The following PHIP variants were observed in gnomAD, a reference collection of about 807,000 sequenced individuals.
The protein encoded by PHIP is PHIP subunit of CUL4-Ring ligase complex.
PHIP carries 54 observed loss-of-function variants against 236.8 expected under a neutral mutation model. That is an observed-to-expected ratio of 0.23 (90% CI 0.18 to 0.29). The LOEUF (loss-of-function observed/expected upper bound fraction) is 0.29, where lower values mean the gene tolerates loss of function less well. Ranked by LOEUF, PHIP falls within the 10% of genes least tolerant of loss-of-function variation. The probability of loss-of-function intolerance (pLI) is 1.00; values close to 1 mark genes in which losing one functional copy is unlikely to be tolerated. For missense variants in PHIP, 1,370 were observed against 2,190.8 expected (o/e 0.63, Z 7.48); for synonymous variants, 756 against 718.9 (o/e 1.05, Z -0.83).
intron 7 of PHIP, among the ~76,000 whole-genome samples, chr6:79,035,504 A>G (rs147291686): frequency 0.012 from 1,812 of 152,322 alleles, 40 homozygotes; most frequent in African/African-American, 0.042. Context: ...CTACTTTGAC[A>G]TGAAAATAAA....
rs1338187903 is a variant in PHIP at position 78,941,324 on chromosome 6, C to A, written c.4835G>T (p.Cys1612Phe). The A allele has an allele frequency of 1.2e-6, 2 of 1,612,050 alleles. No individual in the cohort carries two copies. The change falls in exon 40 of 40, where the codon TGT becomes TTT. Residue 1612 changes from cysteine (C) to phenylalanine (F), a missense_variant. Cys to Phe is a radical substitution (Grantham distance 205). Transcript: ENST00000275034. Reference sequence around the variant, plus strand: ...TCCTGGTACAAGAGCGTTGTTCTTACAATCTCCTAAAAGGGAACAACAGTA... The same window carrying A: ...TCCTGGTACAAGAGCGTTGTTCTTAAAATCTCCTAAAAGGGAACAACAGTA... ...KSSAVIEQGDCKNNALVPGTI... is the reference protein window; with the variant it reads ...KSSAVIEQGDFKNNALVPGTI...
chr6:78,954,903 T>C lies in PHIP; in HGVS notation c.3964A>G (p.Lys1322Glu), dbSNP rs772748885. The C allele has an allele frequency of 6.3e-7, 1 of 1,588,820 alleles. No homozygotes were observed. The highest frequency in any genetic ancestry group is 8.6e-7 in the Non-Finnish European group (1 of 1,169,072). Residue 1322 changes from lysine to glutamate, a missense_variant, in exon 35 of 40, where the codon AAG (lysine) becomes GAG (glutamate). Transcript: ENST00000275034. Reference protein sequence around the residue: ...RAQSYDIQAWKKQCEELLNLI... With the variant: ...RAQSYDIQAWEKQCEELLNLI... ...TTTAACAATTCTTCACACTGTTTCT[T>C]CCATGCTTGAATATCGTAAGACTGG...
chr6:79,004,410 A>T, intron 15 of PHIP: 2 of 985,174 alleles, frequency 2.0e-6, no homozygotes, highest in Non-Finnish European at 2.4e-6. Context: ...CCATTAATCC[A>T]GAACGAATGG....
At position 78,998,826 on chromosome 6, in the gene PHIP, C is replaced by T. The variant is rs192089235; in HGVS notation, c.1880-435G>A. ...TTTTCTTAAAAAAAATGTTTACTGCCTCATTTATTCAATACATTATTGACT... is the reference window on the plus strand; with the variant it reads ...TTTTCTTAAAAAAAATGTTTACTGCTTCATTTATTCAATACATTATTGACT... On this transcript the variant is annotated intron_variant, in intron 17 of 39. Coordinates refer to ENST00000275034, the MANE Select transcript of PHIP (RefSeq NM_017934.7). Among the ~76,000 whole-genome samples the T allele has an allele frequency of 4.2e-3, 645 of 152,168 alleles. 3 individuals carry two copies. The highest frequency in any genetic ancestry group is 0.021 in the Middle Eastern group (6 of 292).
rs117528340 is a variant in PHIP, at chr6:79,011,151, G to A, written c.1524+3931C>T. On this transcript the variant is annotated intron_variant, in intron 15 of 39. Transcript: ENST00000275034. ...TACCTCCTGCCAATGCCAAACAAATGTGGGCTTACTAAGTTATACCCAACT... is the reference window on the plus strand; with the variant it reads ...TACCTCCTGCCAATGCCAAACAAATATGGGCTTACTAAGTTATACCCAACT... 5.7e-3 allele frequency among the ~76,000 whole-genome samples: 867 copies of A among 151,880 alleles called. 2 individuals carry two copies. Among genetic ancestry groups the A allele is most frequent in the Non-Finnish European group, 9.2e-3 (624 of 67,796 alleles).
intron 3 of PHIP, 68 bp downstream of exon 3, chr6:79,077,632 A>AGCGGCGGCGCAGCGGCCCAGAG (rs1774244226): frequency 1.2e-6 from 1 of 868,974 alleles, no homozygotes; most frequent in Non-Finnish European, 1.4e-6. Flanking sequence ...CGGCGGCGGC[A>AGCGGCGGCGCAGCGGCCCAGAG]GCGGCGGCGC....
intron 9 of PHIP, among the ~76,000 whole-genome samples, chr6:79,023,035 T>C (rs1051838659): frequency 4.4e-4 from 67 of 152,300 alleles, no homozygotes; most frequent in African/African-American, 1.5e-3. Context: ...ATAAAGAAAA[T>C]AGGTGTTCCA....
At chr6:79,011,270 G>C (rs947198119) in intron 15 of PHIP, among the ~76,000 whole-genome samples, 2 of 151,820 alleles carry the variant, frequency 1.3e-5, no homozygotes, top group African/African-American at 4.8e-5. Flanking sequence ...AGTTATGTAA[G>C]GACTGTTCAG....
At chr6:79,035,080 G>A (rs528598341) in intron 7 of PHIP, among the ~76,000 whole-genome samples, 3 of 152,164 alleles carry the variant, frequency 2.0e-5, no homozygotes, top group South Asian at 2.1e-4. Context: ...AACTACCCTA[G>A]AATTTGCACA....
At chr6:79,035,939 T>A (rs532480343) in intron 7 of PHIP, among the ~76,000 whole-genome samples, 17 of 152,240 alleles carry the variant, frequency 1.1e-4, no homozygotes, top group Non-Finnish European at 2.4e-4. Context: ...CGACCCTTAT[T>A]CATCTATACC....
chr6:79,038,763 TC>T (rs1304687660), intron 7 of PHIP, among the ~76,000 whole-genome samples: 1 of 152,190 alleles, frequency 6.6e-6, no homozygotes, highest in East Asian at 1.9e-4. Context: ...CTAAATCTTC[TC>T]ACCTAAATCT....
At chr6:79,005,552 G>A (rs969615373) in intron 15 of PHIP, among the ~76,000 whole-genome samples, 2 of 151,880 alleles carry the variant, frequency 1.3e-5, no homozygotes, top group African/African-American at 2.4e-5. Flanking sequence ...AACTGCCTTA[G>A]CCATGTGTTG....
rs201096385 is a variant in PHIP at position 79,025,637 on chromosome 6, G to A, written c.823-18C>T. The A allele has an allele frequency of 3.6e-4, 531 of 1,484,498 alleles. 4 individuals are homozygous for A. The highest frequency in any genetic ancestry group is 3.1e-3 in the South Asian group (256 of 83,892). 92.0% of individuals were successfully genotyped at this position (1,484,498 alleles called of 1,614,324 possible). The stretch of plus-strand genomic sequence containing the variant: ...GGTGAGAACTGAAAAGACAATCACA[G>A]AAAAAAAATCTTTACAAGAGTGACA... On this transcript the variant is annotated intron_variant, in intron 8 of 39. Transcript: ENST00000275034.
At chr6:78,964,955 A>G (rs904976970) in intron 29 of PHIP, among the ~76,000 whole-genome samples, 1 of 152,184 alleles carries the variant, frequency 6.6e-6, no homozygotes, top group Non-Finnish European at 1.5e-5. Flanking sequence ...TATTTTTTAC[A>G]AACAAACAAA....
In PHIP at chr6:79,078,010, C is replaced by T; in HGVS notation, c.40+19G>A. 1 of 1,608,088 alleles carries T rather than the reference C, an allele frequency of 6.2e-7. No individual in the cohort carries two copies. Among genetic ancestry groups the T allele is most frequent in the East Asian group, 2.2e-5 (1 of 44,700 alleles). On this transcript the variant is annotated intron_variant, in intron 1 of 39. Coordinates refer to ENST00000275034, the MANE Select transcript of PHIP (RefSeq NM_017934.7). Reference sequence around the variant, plus strand: ...CGGAATCGCCCGGTGCCAGCGGCCCCGGCAGCCCCCCGACTTACCCGATCG... The same window carrying T: ...CGGAATCGCCCGGTGCCAGCGGCCCTGGCAGCCCCCCGACTTACCCGATCG...
In PHIP at chr6:78,982,996, A is replaced by C; in HGVS notation, c.2659T>G (p.Ser887Ala). 1 of 1,608,000 alleles carries C rather than the reference A, an allele frequency of 6.2e-7. No individual in the cohort carries two copies. Among genetic ancestry groups the C allele is most frequent in the Non-Finnish European group, 8.5e-7 (1 of 1,176,874 alleles). The change falls in exon 23 of 40, where the codon TCT (serine) becomes GCT (alanine). Residue 887 changes from serine to alanine, a missense_variant. Around this residue, in one of 14 missense-constraint regions of PHIP, gnomAD observed 76 missense variants for 76.4 expected, o/e 0.99. Coordinates refer to ENST00000275034, the MANE Select transcript of PHIP (RefSeq NM_017934.7). ...ATCTGTTTTTGCTTCTGTTTTTCAG[A>C]TTCTTCTTCTTCATCTGAACTGCTT... ...AESSSDEEEE[S>A]EKQKQKQIKK... is the part of the protein sequence containing the mutation.
chr6:78,958,501 C>A lies in PHIP; in HGVS notation c.3756G>T (p.Val1252=). The A allele has an allele frequency of 6.4e-7, 1 of 1,552,056 alleles. No individual in the cohort carries two copies. Among genetic ancestry groups the A allele is most frequent in the South Asian group, 1.1e-5 (1 of 89,292 alleles). ...TTATAAAATGTAGAAGAAGATCAGT[C>A]ACGAATTTAGCAGATTTCACAATAG... is the stretch of plus-strand genomic sequence containing the variant. ...GSPIVKSAKF[V]TDLLLHFIKD... Residue 1252 remains valine, a synonymous_variant, in exon 32 of 40, where the codon GTG becomes GTT. Transcript: ENST00000275034.
At chr6:78,971,412 C>A (rs907466977) in intron 24 of PHIP, among the ~76,000 whole-genome samples, 1 of 152,194 alleles carries the variant, frequency 6.6e-6, no homozygotes, top group African/African-American at 2.4e-5. Flanking sequence ...AGCAGTCTGA[C>A]ACCCACTAGT....
At chr6:79,050,280 A>G (rs1772725722) in intron 6 of PHIP, among the ~76,000 whole-genome samples, 1 of 152,194 alleles carries the variant, frequency 6.6e-6, no homozygotes, top group Non-Finnish European at 1.5e-5. Flanking sequence ...GTTTTACTAC[A>G]TGCCAGGCAC....
Sources: allele counts gnomAD v4.1 joint callset (sites outside exome capture counted in the v4.1 genomes callset), GRCh38; gene constraint gnomAD v4.1.1; regional missense constraint gnomAD v4.1.1; transcripts MANE v1.5; gene names NCBI Gene and HGNC (gene_info 2026-07-23, HGNC 2026-07-21).